Variants in NDP observed in about 807,000 individuals in gnomAD.
NDP encodes norrin.
A neutral mutation model predicts 8.4 loss-of-function variants in NDP; 2 were observed. That is an observed-to-expected ratio of 0.24 (90% CI 0.10 to 0.75). NDP has a LOEUF of 0.75. NDP is among the 30% of genes least tolerant of loss of function. The probability of loss-of-function intolerance (pLI) is 0.73; values close to 1 mark genes in which losing one functional copy is unlikely to be tolerated. For missense variants in NDP, 81 were observed against 110.1 expected, an observed-to-expected ratio of 0.74 and a Z score of 1.18; for synonymous variants, 55 against 45.6, an observed-to-expected ratio of 1.21 and a Z score of -0.83.
rs1396654531 is a variant in NDP at position 43,958,631 on chromosome X, T to C, written c.15A>G (p.Val5=). Residue 5 remains valine, a synonymous_variant, in exon 2 of 3, where the codon GTA becomes GTG. Transcript: ENST00000642620. The part of the protein sequence containing the change: MRKH[V]LAASFSMLSL... ...AGAGCATAGAAAAGGATGCAGCTAG[T>C]ACATGTTTTCTCATTGTTGTAAGGA... 15 of 1,209,904 alleles carry C rather than the reference T, an allele frequency of 1.2e-5. No homozygotes were observed. The highest frequency in any genetic ancestry group is 1.6e-5 in the Non-Finnish European group (14 of 894,807).
intron 1 of NDP, among the ~76,000 whole-genome samples, chrX:43,971,882 A>G (rs1021591520): frequency 4.5e-5 from 5 of 111,966 alleles, no homozygotes; most frequent in Admixed American, 2.8e-4. Context: ...CCAATTTGCA[A>G]TGAAAACTGG....
chrX:43,970,956 T>A (rs997992769), intron 1 of NDP, among the ~76,000 whole-genome samples: 1 of 111,785 alleles, frequency 8.9e-6, no homozygotes. Context: ...GTACCCAGGA[T>A]CTGGTGAAAA....
chrX:43,963,948 G>A lies in NDP; in HGVS notation c.-207-5096C>T, dbSNP rs1026452407. 4.4e-5 allele frequency among the ~76,000 whole-genome samples: 5 copies of A among 112,715 alleles called. No individual in the cohort carries two copies. The South Asian group carries it at 1.8e-3, about 41-fold the overall frequency. ...GCGGCACTGACTGCAAATGCTGCTAGGCCTCCAGCCTGCCAACTCCAGGTA... is the reference window on the plus strand; with the variant it reads ...GCGGCACTGACTGCAAATGCTGCTAAGCCTCCAGCCTGCCAACTCCAGGTA... On this transcript the variant is annotated intron_variant, in intron 1 of 2. Coordinates refer to ENST00000642620, the MANE Select transcript of NDP (RefSeq NM_000266.4).
intron 1 of NDP, among the ~76,000 whole-genome samples, chrX:43,971,524 C>T (rs746314939): frequency 3.6e-5 from 4 of 111,563 alleles, no homozygotes; most frequent in Admixed American, 2.9e-4. Flanking sequence ...GGTACACAGT[C>T]GTAAGAAGGC....
chrX:43,963,587 A>T (rs929503816), intron 1 of NDP, among the ~76,000 whole-genome samples: 1 of 112,310 alleles, frequency 8.9e-6, no homozygotes, highest in Admixed American at 9.4e-5. Flanking sequence ...AACATCAAAG[A>T]TTTATAAGTG....
chrX:43,966,625 G>A (rs1309045449), intron 1 of NDP: 2 of 111,523 alleles, frequency 1.8e-5, no homozygotes, highest in Non-Finnish European at 3.8e-5. Context: ...AAAGGTGCCA[G>A]GTGTTCTGGG....
chrX:43,955,295 G>T (rs935962479), intron 2 of NDP, among the ~76,000 whole-genome samples: 1 of 112,130 alleles, frequency 8.9e-6, no homozygotes, highest in Non-Finnish European at 1.9e-5. Context: ...TCTATTAAAT[G>T]GCTATTATGT....
At chrX:43,960,278 C>G (rs1278902728) in intron 1 of NDP, among the ~76,000 whole-genome samples, 1 of 111,756 alleles carries the variant, frequency 8.9e-6, no homozygotes, top group Non-Finnish European at 1.9e-5. Flanking sequence ...CATTCAACCT[C>G]CTCTAGCCCA....
intron 1 of NDP, among the ~76,000 whole-genome samples, chrX:43,961,506 T>C (rs1007932131): frequency 2.4e-4 from 27 of 112,122 alleles, no homozygotes; most frequent in Non-Finnish European, 1.7e-4. Flanking sequence ...TGGAGAGAGA[T>C]AAAAACACAT....
At chrX:43,960,501 C>A (rs1337074107) in intron 1 of NDP, among the ~76,000 whole-genome samples, 2 of 112,349 alleles carry the variant, frequency 1.8e-5, no homozygotes, top group Non-Finnish European at 3.8e-5. Context: ...ATAAATCAAA[C>A]CTGTGCCCAA....
intron 1 of NDP, among the ~76,000 whole-genome samples, chrX:43,970,522 T>C (rs1224783862): frequency 2.7e-5 from 3 of 111,154 alleles, no homozygotes; most frequent in Non-Finnish European, 5.7e-5. Context: ...CAGGGTTTTT[T>C]TTTTCCCCCA....
chrX:43,951,253 A>T (rs1472641535), intron 2 of NDP, among the ~76,000 whole-genome samples: 5 of 109,565 alleles, frequency 4.6e-5, no homozygotes, highest in African/African-American at 1.3e-4. Context: ...TCTCTAAAAA[A>T]AAAAATAAAA....
chrX:43,950,280 G>GT (rs916602803), intron 2 of NDP, among the ~76,000 whole-genome samples: 28 of 109,848 alleles, frequency 2.5e-4, no homozygotes, highest in African/African-American at 8.7e-4. Flanking sequence ...TGTACTGAGG[G>GT]TTTAGAACCA....
intron 2 of NDP, among the ~76,000 whole-genome samples, chrX:43,951,924 T>A (rs2035765645): frequency 1.8e-5 from 2 of 112,568 alleles, no homozygotes; most frequent in African/African-American, 6.5e-5. Flanking sequence ...TTTGATTCTA[T>A]CCTACCTGCT....
intron 2 of NDP, chrX:43,953,217 A>G (rs2035772850): frequency 9.0e-6 from 1 of 111,066 alleles, no homozygotes; most frequent in Non-Finnish European, 1.9e-5. Context: ...AGAAGTTTGA[A>G]AGATAAGATC....
intron 1 of NDP, among the ~76,000 whole-genome samples, chrX:43,961,228 T>C (rs1388073772): frequency 8.9e-6 from 1 of 112,777 alleles, no homozygotes; most frequent in African/African-American, 3.2e-5. Context: ...TCAGTATAAA[T>C]TGGTCCAAAC....
chrX:43,951,971 A>ATTGT (rs1010947085), intron 2 of NDP, among the ~76,000 whole-genome samples: 1 of 111,529 alleles, frequency 9.0e-6, no homozygotes, highest in Non-Finnish European at 1.9e-5. Flanking sequence ...ATCAGAAATG[A>ATTGT]TTGTTTGTTT....
intron 1 of NDP, among the ~76,000 whole-genome samples, chrX:43,967,555 G>A (rs745950833): frequency 1.3e-4 from 15 of 111,511 alleles, no homozygotes; most frequent in Non-Finnish European, 2.8e-4. Flanking sequence ...GAGAGTGGGT[G>A]AAATAAAGGG....
chrX:43,952,350 C>A (rs1201089943), intron 2 of NDP, among the ~76,000 whole-genome samples: 1 of 111,745 alleles, frequency 8.9e-6, no homozygotes, highest in Non-Finnish European at 1.9e-5. Flanking sequence ...AATCTCTCAT[C>A]TAGATCATCT....
Sources: allele counts gnomAD v4.1 joint callset (sites outside exome capture counted in the v4.1 genomes callset), GRCh38; gene constraint gnomAD v4.1.1; transcripts MANE v1.5; gene names NCBI Gene and HGNC (gene_info 2026-07-23, HGNC 2026-07-21).